RHBDL2: variants seen among roughly 807,000 people sequenced by gnomAD.
RHBDL2 encodes the protein rhomboid-related protein 2.
In RHBDL2, 26 loss-of-function variants were observed where a neutral mutation model predicts 31.7. The ratio of observed to expected loss-of-function variants is 0.82; its 90% CI spans 0.60 to 1.14. The LOEUF (loss-of-function observed/expected upper bound fraction) is 1.14. RHBDL2 is among the 50% of genes most tolerant of loss of function. RHBDL2 has a pLI of 0.00. For missense variants in RHBDL2, 336 were observed against 364.4 expected (o/e 0.92, Z 0.63); for synonymous variants, 123 against 127.2 (o/e 0.97, Z 0.22).
intron 1 of RHBDL2, among the ~76,000 whole-genome samples, chr1:38,922,782 T>C (rs1470326903): frequency 1.3e-5 from 2 of 151,832 alleles, no homozygotes; most frequent in Admixed American, 6.6e-5. Context: ...ATATTACCTA[T>C]TAGATTGGTA....
chr1:38,929,601 G>A, intron 1 of RHBDL2: 2 of 1,274,402 alleles, frequency 1.6e-6, no homozygotes, highest in Non-Finnish European at 2.0e-6. Context: ...TGCCGGGGCT[G>A]AGACCCGCCT....
At chr1:38,917,330 T>C (rs1410427358) in intron 2 of RHBDL2, among the ~76,000 whole-genome samples, 1 of 152,204 alleles carries the variant, frequency 6.6e-6, no homozygotes, top group Non-Finnish European at 1.5e-5. Flanking sequence ...AGGAACTTTC[T>C]GTTCTATCTT....
At chr1:38,938,927 A>G (rs1475960908) in intron 1 of RHBDL2, among the ~76,000 whole-genome samples, 2 of 152,242 alleles carry the variant, frequency 1.3e-5, no homozygotes, top group Non-Finnish European at 2.9e-5. Context: ...GGAATGCATC[A>G]GTAAATATTT....
At chr1:38,932,662 G>A (rs6664055) in intron 1 of RHBDL2, among the ~76,000 whole-genome samples, 88,140 of 151,966 alleles carry the variant, frequency 0.58, 26,447 homozygotes, top group Middle Eastern at 0.68. Flanking sequence ...GTTTTGCCAT[G>A]TTGCCGAAGC....
intron 1 of RHBDL2, chr1:38,925,836 G>A (rs1643369118): frequency 5.4e-6 from 3 of 560,714 alleles, no homozygotes; most frequent in South Asian, 2.3e-5. Flanking sequence ...CTACATAAAG[G>A]ATAACAGTCA....
At chr1:38,922,756 C>T (rs1031013779) in intron 1 of RHBDL2, among the ~76,000 whole-genome samples, 2 of 151,086 alleles carry the variant, frequency 1.3e-5, no homozygotes, top group East Asian at 1.9e-4. Context: ...TGCCCCACTC[C>T]TGAATTTCTG....
intron 1 of RHBDL2, among the ~76,000 whole-genome samples, chr1:38,936,590 C>T (rs1186701323): frequency 6.6e-6 from 1 of 151,674 alleles, no homozygotes; most frequent in Non-Finnish European, 1.5e-5. Context: ...ACCTCCGCCT[C>T]CTAGGTTCAA....
chr1:38,886,641 A>T lies in RHBDL2; in HGVS notation c.775T>A (p.Ser259Thr). 6.3e-7 allele frequency: 1 copy of T among 1,580,990 alleles called. No homozygotes were observed. The highest frequency in any genetic ancestry group is 8.6e-7 in the Non-Finnish European group (1 of 1,160,066). ...AHIAGGFAGM[S>T]IGYTVFSCFD... ...CAGCTAAACACCGTGTAGCCAATGGACATTCCAGCAAATCCACCTGCAATG... is the reference window on the plus strand; with the variant it reads ...CAGCTAAACACCGTGTAGCCAATGGTCATTCCAGCAAATCCACCTGCAATG... The change falls in exon 8 of 8, where the codon TCC becomes ACC. Residue 259 changes from serine (S) to threonine (T), a missense_variant. Transcript: ENST00000372990.
intron 4 of RHBDL2, among the ~76,000 whole-genome samples, chr1:38,904,603 C>G (rs1464075685): frequency 6.6e-6 from 1 of 151,318 alleles, no homozygotes; most frequent in Non-Finnish European, 1.5e-5. Flanking sequence ...CCAGTGCAGA[C>G]GATCACTTGA....
intron 7 of RHBDL2, among the ~76,000 whole-genome samples, chr1:38,887,616 G>A (rs1396746997): frequency 6.6e-6 from 1 of 151,852 alleles, no homozygotes; most frequent in East Asian, 1.9e-4. Flanking sequence ...GTAGAGACGG[G>A]GTTTCATCAT....
chr1:38,894,564 G>A (rs938197537), intron 5 of RHBDL2, among the ~76,000 whole-genome samples: 7 of 150,672 alleles, frequency 4.6e-5, no homozygotes, highest in Non-Finnish European at 1.0e-4. Context: ...CTTGTGATCC[G>A]CCCACCTCAG....
intron 2 of RHBDL2, among the ~76,000 whole-genome samples, chr1:38,916,321 G>A (rs1156380873): frequency 2.0e-5 from 3 of 152,144 alleles, no homozygotes; most frequent in Non-Finnish European, 4.4e-5. Context: ...AACCCCAGCT[G>A]GGGGACATTC....
chr1:38,928,709 G>A (rs113333426), intron 1 of RHBDL2, among the ~76,000 whole-genome samples: 7,456 of 152,108 alleles, frequency 0.049, 575 homozygotes, highest in African/African-American at 0.16. Flanking sequence ...GCATCCCAAC[G>A]TGCTGGGATT....
chr1:38,896,148 T>G, intron 4 of RHBDL2, 79 bp from the exon 5 acceptor site: 1 of 1,117,164 alleles, frequency 9.0e-7, no homozygotes, highest in Non-Finnish European at 1.3e-6. Flanking sequence ...AAGGTAGACA[T>G]TTGGGAAGTC....
At chr1:38,937,859 C>T (rs937527183) in intron 1 of RHBDL2, among the ~76,000 whole-genome samples, 1 of 152,136 alleles carries the variant, frequency 6.6e-6, no homozygotes, top group African/African-American at 2.4e-5. Context: ...CTCAAGAGAT[C>T]CTTCATGAAC....
chr1:38,923,028 T>A (rs573311903), intron 1 of RHBDL2, among the ~76,000 whole-genome samples: 1 of 152,206 alleles, frequency 6.6e-6, no homozygotes, highest in South Asian at 2.1e-4. Context: ...AGGCAGAGGT[T>A]TCAGTGAGCT....
At chr1:38,920,399 C>A (rs925147641) in intron 1 of RHBDL2, among the ~76,000 whole-genome samples, 2 of 151,844 alleles carry the variant, frequency 1.3e-5, no homozygotes, top group African/African-American at 4.8e-5. Context: ...AACTCCCAAC[C>A]TCAAGTGATC....
chr1:38,905,412 G>T (rs1643050237), intron 4 of RHBDL2, among the ~76,000 whole-genome samples: 1 of 150,498 alleles, frequency 6.6e-6, no homozygotes, highest in Admixed American at 6.6e-5. Flanking sequence ...TAGATTTCTT[G>T]TTCATTTTTT....
At chr1:38,917,656 TGCAA>T (rs765524029) in intron 2 of RHBDL2, among the ~76,000 whole-genome samples, 5 of 152,150 alleles carry the variant, frequency 3.3e-5, no homozygotes, top group Non-Finnish European at 7.4e-5. Context: ...ACTTCCCAGT[TGCAA>T]GCAGTCTCAC....
Sources: allele counts gnomAD v4.1 joint callset (sites outside exome capture counted in the v4.1 genomes callset), GRCh38; gene constraint gnomAD v4.1.1; transcripts MANE v1.5; gene names NCBI Gene and HGNC (gene_info 2026-07-23, HGNC 2026-07-21).